The following HGS variants were observed in gnomAD, a reference collection of about 807,000 sequenced individuals.
HGS encodes human growth factor-regulated tyrosine kinase substrate.
HGS carries 63 observed loss-of-function variants against 109.7 expected under a neutral mutation model. The ratio of observed to expected loss-of-function variants is 0.57; its 90% CI spans 0.47 to 0.71. The LOEUF (loss-of-function observed/expected upper bound fraction) is 0.71, where lower values mean the gene tolerates loss of function less well. Ranked by LOEUF, HGS falls within the 30% of genes least tolerant of loss-of-function variation. The pLI is 0.00. For missense variants in HGS, 995 were observed against 1,068.3 expected (o/e 0.93, Z 0.96); for synonymous variants, 546 against 437.3 (o/e 1.25, Z -3.10).
Position 81,691,101 on chromosome 17 carries a change from C to G in HGS, c.538-346C>G. 1 of 446,652 alleles carries G rather than the reference C, an allele frequency of 2.2e-6. No individual in the cohort carries two copies. 27.7% of individuals were successfully genotyped at this position (446,652 alleles called of 1,614,324 possible). ...AGGCATCTTCACATCAAAACCCCCTCCAGGCTGGCAACCGGCAGTGCTTGG... is the reference window on the plus strand; with the variant it reads ...AGGCATCTTCACATCAAAACCCCCTGCAGGCTGGCAACCGGCAGTGCTTGG... On this transcript the variant is annotated intron_variant, in intron 7 of 21. Coordinates refer to ENST00000329138, the MANE Select transcript of HGS (RefSeq NM_004712.5). This position sits in a 1 kb window ranked among gnomAD's most constrained non-coding sequence, Gnocchi z 5.3.
At chr17:81,686,920 C>G (rs1340661170) in intron 3 of HGS, 83 bp from the exon 4 acceptor site, 7 of 1,130,584 alleles carry the variant, frequency 6.2e-6, no homozygotes, top group Non-Finnish European at 7.8e-6. Flanking sequence ...TCTGCTGTCC[C>G]ACAGGGAGGT....
At chr17:81,693,302 G>A (rs2037092802) in intron 8 of HGS, among the ~76,000 whole-genome samples, 1 of 152,256 alleles carries the variant, frequency 6.6e-6, no homozygotes, top group Non-Finnish European at 1.5e-5. Context: ...ACTCACCCGA[G>A]CCCTTGTGGC....
At chr17:81,699,772 T>C (rs1229112114) in intron 18 of HGS, among the ~76,000 whole-genome samples, 1 of 149,914 alleles carries the variant, frequency 6.7e-6, no homozygotes, top group Non-Finnish European at 1.5e-5. Context: ...GTTCCAAAAG[T>C]CACAACAAAA....
rs1393221869 is a variant in HGS at position 81,695,019 on chromosome 17, G to A, written c.1071G>A (p.Pro357=). The A allele has an allele frequency of 6.2e-6, 10 of 1,613,900 alleles. No homozygotes were observed. The African/African-American group carries it at 9.3e-5, about 15-fold the overall frequency. The change falls in exon 13 of 22, where the codon CCG becomes CCA. Residue 357 remains proline, a synonymous_variant. Coordinates refer to ENST00000329138, the MANE Select transcript of HGS (RefSeq NM_004712.5). Reference sequence around the variant, plus strand: ...CTGCGCCCGTGCCCCTGACGGAGCCGGCTGCACAGCCTGGGGAAGGGCACG... The same window carrying A: ...CTGCGCCCGTGCCCCTGACGGAGCCAGCTGCACAGCCTGGGGAAGGGCACG... ...TPSAPVPLTE[P]AAQPGEGHAA...
intron 11 of HGS, among the ~76,000 whole-genome samples, chr17:81,694,255 G>A (rs1216439242): frequency 4.6e-5 from 7 of 152,208 alleles, no homozygotes; most frequent in African/African-American, 1.4e-4. Context: ...CCGCCCCACA[G>A]GAACTGAAGG....
At chr17:81,701,292 C>G (rs759702077) in intron 21 of HGS, 161 bp downstream of exon 21, 3 of 806,278 alleles carry the variant, frequency 3.7e-6, no homozygotes, top group East Asian at 5.4e-5. Flanking sequence ...AACGAGGACA[C>G]AAGTCTCAGG....
intron 2 of HGS, 79 bp from the exon 3 acceptor site, chr17:81,686,233 A>G: frequency 1.7e-6 from 2 of 1,187,574 alleles, no homozygotes; most frequent in Non-Finnish European, 1.2e-6. Context: ...ACCTGGCAGC[A>G]GATGAGCTTT....
chr17:81,688,955 G>A (rs12450153), intron 5 of HGS, 128 bp downstream of exon 5: 219,020 of 1,286,470 alleles, frequency 0.17, 20,026 homozygotes, highest in Admixed American at 0.3. Flanking sequence ...GGAGGGCGGT[G>A]GCCTGGAGCC....
intron 2 of HGS, 179 bp from the exon 3 acceptor site, chr17:81,686,133 A>G (rs1403513814): frequency 1.7e-6 from 1 of 594,094 alleles, no homozygotes; most frequent in East Asian, 2.9e-5. Flanking sequence ...TTTTTGCCGT[A>G]ATGCACAGGC....
rs2144492706 is a variant in HGS, at chr17:81,691,632, G to C, written c.662+61G>C. ...GCAGGCTCTCCAGGCTGGGTTTTCTGTCCCTCTTGGCCATGGTGCCTGAGG... is the reference window on the plus strand; with the variant it reads ...GCAGGCTCTCCAGGCTGGGTTTTCTCTCCCTCTTGGCCATGGTGCCTGAGG... On this transcript the variant is annotated intron_variant, in intron 8 of 21. Transcript: ENST00000329138. The surrounding 1 kb of genome is among the most constrained non-coding windows in gnomAD (Gnocchi z 5.3). 6.2e-7 allele frequency: 1 copy of C among 1,606,560 alleles called. No individual in the cohort carries two copies. Among genetic ancestry groups the C allele is most frequent in the Non-Finnish European group, 8.5e-7 (1 of 1,175,788 alleles).
intron 1 of HGS, chr17:81,684,908 G>A (rs1324121900): frequency 2.0e-6 from 2 of 985,270 alleles, no homozygotes; most frequent in Non-Finnish European, 2.4e-6. Context: ...CAGTGCTTCA[G>A]GGATGAATCC....
At chr17:81,690,918 G>A in intron 7 of HGS, 176 bp downstream of exon 7, 2 of 567,540 alleles carry the variant, frequency 3.5e-6, no homozygotes, top group Middle Eastern at 3.9e-4. Flanking sequence ...GCCCACGTAA[G>A]GGCCTGATGC....
intron 14 of HGS, chr17:81,695,540 A>G: frequency 1.7e-6 from 1 of 599,642 alleles, no homozygotes; most frequent in Non-Finnish European, 3.0e-6. Flanking sequence ...GTCAGAGCAC[A>G]GGTCCCTGGA....
chr17:81,698,641 G>A (rs1482134138), intron 18 of HGS, among the ~76,000 whole-genome samples: 2 of 152,216 alleles, frequency 1.3e-5, no homozygotes, highest in Non-Finnish European at 2.9e-5. Flanking sequence ...TAGAAGCCAA[G>A]ATCAAGATTC....
At position 81,691,667 on chromosome 17, in the gene HGS, C is replaced by A; in HGVS notation, c.662+96C>A. Reference sequence around the variant, plus strand: ...GCCATGGTGCCTGAGGCCTGCAGACCCCAGAGGACCCTCACAGCACAGCAG... The same window carrying A: ...GCCATGGTGCCTGAGGCCTGCAGACACCAGAGGACCCTCACAGCACAGCAG... On this transcript the variant is annotated intron_variant, in intron 8 of 21. Transcript: ENST00000329138. This position sits in a 1 kb window ranked among gnomAD's most constrained non-coding sequence, Gnocchi z 5.3. 1 of 1,478,096 alleles carries A rather than the reference C, an allele frequency of 6.8e-7. No homozygotes were observed. Among genetic ancestry groups the A allele is most frequent in the Non-Finnish European group, 9.3e-7 (1 of 1,071,148 alleles). 91.6% of individuals were successfully genotyped at this position (1,478,096 alleles called of 1,614,324 possible). A position where few individuals can be genotyped will look rare whatever the true frequency, so the allele number is the denominator to read the frequency against.
intron 1 of HGS, chr17:81,685,099 G>T (rs938023200): frequency 2.0e-6 from 2 of 983,016 alleles, no homozygotes; most frequent in East Asian, 2.3e-4. Context: ...TTGGAGCCCC[G>T]TTCTGCCCTT....
chr17:81,689,286 C>T (rs1009797008), intron 5 of HGS, among the ~76,000 whole-genome samples: 22 of 152,312 alleles, frequency 1.4e-4, no homozygotes, highest in East Asian at 7.7e-4. Flanking sequence ...AGAGTGCAGC[C>T]GGGCCTGTGC....
chr17:81,684,261 G>T (rs1282749419), intron 1 of HGS, 158 bp downstream of exon 1: 2 of 598,934 alleles, frequency 3.3e-6, no homozygotes, highest in Non-Finnish European at 4.9e-6. Context: ...CGCCGATCCT[G>T]GACCCTCGGC....
chr17:81,690,167 G>A lies in HGS; in HGVS notation c.416-15G>A. ...CAGGTGGGAGCAGGCAGTGACTATG[G>A]CTTCATCTCTCCAGGGCACGTCTTT... is the stretch of plus-strand genomic sequence containing the variant. On this transcript the variant is annotated splice_polypyrimidine_tract_variant and intron_variant, in intron 5 of 21. Coordinates refer to ENST00000329138, the MANE Select transcript of HGS (RefSeq NM_004712.5). 6.2e-7 allele frequency: 1 copy of A among 1,612,238 alleles called. No homozygotes were observed.
Sources: gnomAD v4.1 joint callset for allele counts (sites outside exome capture counted in the v4.1 genomes callset) on GRCh38, gnomAD v4.1.1 for gene constraint, Gnocchi (gnomAD v3.1) non-coding constraint, MANE v1.5 for transcripts, NCBI Gene and HGNC (gene_info 2026-07-23, HGNC 2026-07-21) for gene names.